Variants in ERBB4 observed in about 807,000 individuals in gnomAD.
The protein encoded by ERBB4 is erb-b2 receptor tyrosine kinase 4, also known as receptor tyrosine-protein kinase erbB-4.
Under a neutral mutation model 158.0 loss-of-function variants are expected in ERBB4, and 42 were observed. The observed-to-expected ratio is 0.27, with a 90% CI of 0.21 to 0.34. ERBB4 has a LOEUF of 0.34. Among genes scored for constraint, ERBB4 ranks in the 10% least tolerant of loss-of-function variants. ERBB4 has a pLI of 1.00. For missense variants in ERBB4, 1,333 were observed against 1,624.1 expected, an observed-to-expected ratio of 0.82 and a Z score of 3.08; for synonymous variants, 583 against 558.7, an observed-to-expected ratio of 1.04 and a Z score of -0.61.
rs191831743 is a variant in ERBB4, at chr2:211,473,521, A to C, written c.2488-42421T>G. Among the ~76,000 whole-genome samples the C allele has an allele frequency of 4.6e-5, 7 of 152,264 alleles. No individual in the cohort carries two copies. In the East Asian group the frequency reaches 1.4e-3, roughly 29 times the overall value. On this transcript the variant is annotated intron_variant, in intron 20 of 27. Coordinates refer to ENST00000342788, the MANE Select transcript of ERBB4 (RefSeq NM_005235.3). ...GTAAAAAGGGCCAGCTTTCTGGGAC[A>C]TGGAAATCTGTATGATATAAGGATG...
At chr2:211,918,865 T>C (rs1001223313) in intron 3 of ERBB4, among the ~76,000 whole-genome samples, 1 of 152,148 alleles carries the variant, frequency 6.6e-6, no homozygotes, top group African/African-American at 2.4e-5. Context: ...CATCTCATTC[T>C]TATTACTGTT....
chr2:211,404,310 C>T (rs2063105064), intron 25 of ERBB4, among the ~76,000 whole-genome samples: 1 of 151,978 alleles, frequency 6.6e-6, no homozygotes, highest in Non-Finnish European at 1.5e-5. Context: ...TTTGGTGATC[C>T]TTAGATTTAC....
chr2:211,706,413 G>A (rs1050112237), intron 9 of ERBB4, among the ~76,000 whole-genome samples: 3 of 152,036 alleles, frequency 2.0e-5, no homozygotes, highest in African/African-American at 7.2e-5. Context: ...CAAACAGATA[G>A]GCATATGGCC....
intron 12 of ERBB4, among the ~76,000 whole-genome samples, chr2:211,695,982 T>G (rs1201895584): frequency 2.0e-5 from 3 of 151,356 alleles, no homozygotes; most frequent in African/African-American, 7.3e-5. Flanking sequence ...CCTTCCTTCC[T>G]TCCTCCCTCC....
At position 212,169,346 on chromosome 2, in the gene ERBB4, A is replaced by G. The variant is rs568296600; in HGVS notation, c.83-44443T>C. On this transcript the variant is annotated intron_variant, in intron 1 of 27. Transcript: ENST00000342788. ...TAATAATATTCAGATTTAAAAAAAT[A>G]AGTTTATACATACACTTACAACCAT... Among the ~76,000 whole-genome samples the G allele has an allele frequency of 2.1e-3, 314 of 152,296 alleles. 5 individuals are homozygous for G. The highest frequency in any genetic ancestry group is 1.8e-3 in the Non-Finnish European group (125 of 68,020).
At chr2:212,512,668 A>G (rs556886572) in intron 1 of ERBB4, among the ~76,000 whole-genome samples, 2 of 152,292 alleles carry the variant, frequency 1.3e-5, no homozygotes, top group East Asian at 1.9e-4. Flanking sequence ...CATTCTGCAT[A>G]TATCACCGAC....
chr2:211,746,420 C>T (rs535201137), intron 5 of ERBB4, among the ~76,000 whole-genome samples: 1 of 152,276 alleles, frequency 6.6e-6, no homozygotes, highest in Admixed American at 6.5e-5. Context: ...AGCTTCTATG[C>T]TGAAAAATTA....
intron 19 of ERBB4, among the ~76,000 whole-genome samples, chr2:211,592,224 G>A (rs1342770088): frequency 1.3e-5 from 2 of 152,136 alleles, no homozygotes; most frequent in African/African-American, 4.8e-5. Flanking sequence ...TGAATTCCTG[G>A]GAACTGCGGG....
At chr2:211,912,866 T>C (rs2079573334) in intron 3 of ERBB4, among the ~76,000 whole-genome samples, 1 of 152,162 alleles carries the variant, frequency 6.6e-6, no homozygotes, top group Non-Finnish European at 1.5e-5. Context: ...CCATCTATTC[T>C]CTCTGAGAGA....
At chr2:211,548,486 T>C (rs1359894737) in intron 20 of ERBB4, among the ~76,000 whole-genome samples, 6 of 152,128 alleles carry the variant, frequency 3.9e-5, no homozygotes, top group Non-Finnish European at 7.3e-5. Context: ...TACGACCTCA[T>C]ATTTTAGACC....
At chr2:212,345,279 C>CAAAAAAAAAAAA (rs2088941967) in intron 1 of ERBB4, among the ~76,000 whole-genome samples, 1 of 56,054 alleles carries the variant, frequency 1.8e-5, no homozygotes, top group South Asian at 4.8e-4. Flanking sequence ...AAAAAAAAAG[C>CAAAAAAAAAAAA]ACTAAACACA....
At chr2:212,508,773 C>A (rs572593987) in intron 1 of ERBB4, among the ~76,000 whole-genome samples, 1 of 152,168 alleles carries the variant, frequency 6.6e-6, no homozygotes, top group South Asian at 2.1e-4. Context: ...TTAATAATCA[C>A]AATAGCAGTT....
rs2125403674 is a variant in ERBB4 at position 211,420,510 on chromosome 2, G to A, written c.3066C>T (p.Tyr1022=). 1.2e-6 allele frequency: 2 copies of A among 1,611,912 alleles called. No individual in the cohort carries two copies. Among genetic ancestry groups the A allele is most frequent in the Non-Finnish European group, 1.7e-6 (2 of 1,178,354 alleles). ...DLEDMMDAEE[Y]LVPQAFNIPP... ...GGATGTTGAAAGCCTGAGGGACCAA[G>A]TACTCCTCAGCATCCATCATATCTT... Residue 1022 remains tyrosine (Y), a synonymous_variant, in exon 25 of 28, where the codon TAC becomes TAT. Coordinates refer to ENST00000342788, the MANE Select transcript of ERBB4 (RefSeq NM_005235.3).
intron 3 of ERBB4, among the ~76,000 whole-genome samples, chr2:211,848,799 G>A (rs1191591982): frequency 6.6e-6 from 1 of 152,044 alleles, no homozygotes; most frequent in Non-Finnish European, 1.5e-5. Context: ...GGGTGGTGGA[G>A]TGTAATGCAT....
At chr2:211,997,198 G>A (rs71422766) in intron 2 of ERBB4, among the ~76,000 whole-genome samples, 21,294 of 152,036 alleles carry the variant, frequency 0.14, 1,918 homozygotes, top group East Asian at 0.31. Context: ...CTATCAAAAA[G>A]ATAATAGTCT....
At chr2:212,260,827 A>C (rs1442357709) in intron 1 of ERBB4, among the ~76,000 whole-genome samples, 3 of 152,158 alleles carry the variant, frequency 2.0e-5, no homozygotes, top group Admixed American at 1.3e-4. Context: ...AAATAAAAAA[A>C]AAAAGTAGGC....
chr2:211,726,411 T>C (rs532931014), intron 5 of ERBB4, among the ~76,000 whole-genome samples: 1 of 152,250 alleles, frequency 6.6e-6, no homozygotes, highest in Non-Finnish European at 1.5e-5. Flanking sequence ...ATATGCAAGG[T>C]GTACAAAACA....
chr2:211,940,137 G>A (rs1055405185), intron 3 of ERBB4, among the ~76,000 whole-genome samples: 1 of 151,978 alleles, frequency 6.6e-6, no homozygotes, highest in Non-Finnish European at 1.5e-5. Flanking sequence ...TTGGTAACTG[G>A]GAATGGATGC....
At chr2:211,901,643 A>T (rs768305793) in intron 3 of ERBB4, among the ~76,000 whole-genome samples, 1 of 152,152 alleles carries the variant, frequency 6.6e-6, no homozygotes, top group Non-Finnish European at 1.5e-5. Flanking sequence ...CAACATCATC[A>T]TCTCAGAGAT....
Sources: gnomAD v4.1 joint callset for allele counts (sites outside exome capture counted in the v4.1 genomes callset) on GRCh38, gnomAD v4.1.1 for gene constraint, MANE v1.5 for transcripts, NCBI Gene and HGNC (gene_info 2026-07-23, HGNC 2026-07-21) for gene names.